Variants in SLC4A7 observed in about 807,000 individuals in gnomAD.
SLC4A7 encodes the protein sodium bicarbonate cotransporter 3.
SLC4A7 carries 51 observed loss-of-function variants against 137.6 expected under a neutral mutation model. That is an observed-to-expected ratio of 0.37 (90% confidence interval 0.30 to 0.47). The LOEUF (loss-of-function observed/expected upper bound fraction) is 0.47, where lower values mean the gene tolerates loss of function less well. Among genes scored for constraint, SLC4A7 ranks in the 20% least tolerant of loss-of-function variants. The pLI, the probability that SLC4A7 is intolerant of heterozygous loss-of-function variation, is 1.00. For synonymous variants in SLC4A7, 542 were observed against 518.6 expected, an observed-to-expected ratio of 1.05 and a Z score of -0.61; for missense variants, 1,247 against 1,525.4, an observed-to-expected ratio of 0.82 and a Z score of 3.04.
chr3:27,424,305 C>A (rs988303445), intron 7 of SLC4A7, 153 bp from the exon 8 acceptor site: 13 of 464,420 alleles, frequency 2.8e-5, no homozygotes, highest in African/African-American at 1.0e-4. Context: ...AACATACCAG[C>A]AAAACTAGAA....
intron 3 of SLC4A7, among the ~76,000 whole-genome samples, chr3:27,444,222 CTGT>C (rs2057424261): frequency 6.6e-6 from 1 of 152,172 alleles, no homozygotes; most frequent in Non-Finnish European, 1.5e-5. Context: ...TATTCTGCAC[CTGT>C]TGTTATATGC....
At chr3:27,423,556 C>T (rs903706135) in intron 8 of SLC4A7, 5 of 152,338 alleles carry the variant, frequency 3.3e-5, no homozygotes, top group Non-Finnish European at 4.4e-5. Context: ...TTAACCTACC[C>T]ATGGGGAAGC....
At position 27,400,840 on chromosome 3, in the gene SLC4A7, C is replaced by T; in HGVS notation, c.2351G>A (p.Ser784Asn). ...SCVCTEPPNP[S>N]NETLAQWKKD... ...CTTCCATTGTGCTAGAGTTTCATTG[C>T]TGGGGTTTGGAGGTTCAGTACATAC... Residue 784 changes from serine (S) to asparagine (N), a missense_variant, in exon 16 of 26, where the codon AGC becomes AAC. Transcript: ENST00000454389. 6.2e-7 allele frequency: 1 copy of T among 1,607,182 alleles called. No homozygotes were observed. The highest frequency in any genetic ancestry group is 8.5e-7 in the Non-Finnish European group (1 of 1,173,932).
intron 18 of SLC4A7, 74 bp from the exon 19 acceptor site, chr3:27,395,189 G>T (rs2052013159): frequency 2.8e-6 from 3 of 1,065,904 alleles, no homozygotes; most frequent in Non-Finnish European, 4.0e-6. Flanking sequence ...ACATAGACTT[G>T]ATCTGTTCCA....
At chr3:27,456,849 T>C in intron 1 of SLC4A7, 1 of 1,381,714 alleles carries the variant, frequency 7.2e-7, no homozygotes, top group South Asian at 1.8e-5. Context: ...AGTTACCTAA[T>C]CTTCCAAGCT....
intron 1 of SLC4A7, among the ~76,000 whole-genome samples, chr3:27,473,883 TAG>T (rs1310826033): frequency 6.6e-6 from 1 of 152,100 alleles, no homozygotes. Flanking sequence ...AAACAAAATT[TAG>T]AAGACTATCA....
chr3:27,413,723 A>G (rs2054122606), intron 11 of SLC4A7, among the ~76,000 whole-genome samples: 1 of 152,222 alleles, frequency 6.6e-6, no homozygotes, highest in African/African-American at 2.4e-5. Context: ...GATGAAATGT[A>G]TATTTTGGCT....
At chr3:27,456,800 C>T in intron 1 of SLC4A7, 6 of 1,482,646 alleles carry the variant, frequency 4.0e-6, no homozygotes, top group Non-Finnish European at 5.3e-6. Flanking sequence ...ATGAATTCTT[C>T]TAAGTTACTT....
At chr3:27,390,672 C>A (rs1185971901) in intron 21 of SLC4A7, among the ~76,000 whole-genome samples, 1 of 152,074 alleles carries the variant, frequency 6.6e-6, no homozygotes, top group Non-Finnish European at 1.5e-5. Context: ...ATTTCTTGAC[C>A]AGTGAAGAGT....
Position 27,376,673 on chromosome 3 carries a change from G to T in SLC4A7, c.*91C>A. 2 of 785,264 alleles carry T rather than the reference G, an allele frequency of 2.5e-6. No individual in the cohort carries two copies. The highest frequency in any genetic ancestry group is 2.1e-6 in the Non-Finnish European group (1 of 475,368). 48.6% of individuals were successfully genotyped at this position (785,264 alleles called of 1,614,324 possible). A position where few individuals can be genotyped will look rare whatever the true frequency, so the allele number is the denominator to read the frequency against. On this transcript the variant is annotated 3_prime_UTR_variant, in exon 26 of 26. Transcript: ENST00000454389. ...AAAACCCGGTAGTCACACATAAACA[G>T]CATGACATACAATATTCTTATATAT...
At chr3:27,385,237 T>A (rs975690072) in intron 23 of SLC4A7, among the ~76,000 whole-genome samples, 1 of 152,190 alleles carries the variant, frequency 6.6e-6, no homozygotes, top group Non-Finnish European at 1.5e-5. Flanking sequence ...CAATGCTATA[T>A]ACTCAAGTCT....
In SLC4A7 at chr3:27,390,036, A is replaced by G. The variant is rs1482366663; in HGVS notation, c.3255T>C (p.Tyr1085=). The part of the protein sequence containing the change: ...KHQPDLIYLR[Y]VPLWKVHIFT... The stretch of plus-strand genomic sequence containing the variant: ...AAATATGGACCTTCCAGAGCGGCAC[A>G]TAACGGAGGTATATCAAATCAGGCT... The change falls in exon 22 of 26, where the codon TAT becomes TAC. Residue 1085 remains tyrosine, a synonymous_variant. Transcript: ENST00000454389. 10 of 1,612,882 alleles carry G rather than the reference A, an allele frequency of 6.2e-6. No homozygotes were observed. The highest frequency in any genetic ancestry group is 2.2e-5 in the East Asian group (1 of 44,870).
intron 1 of SLC4A7, among the ~76,000 whole-genome samples, chr3:27,479,995 T>C (rs989752177): frequency 1.3e-5 from 2 of 152,204 alleles, no homozygotes; most frequent in Non-Finnish European, 2.9e-5. Context: ...CATTACAGGA[T>C]GTTGACAATT....
intron 14 of SLC4A7, 28 bp downstream of exon 14, chr3:27,404,802 G>A: frequency 2.0e-6 from 3 of 1,514,042 alleles, no homozygotes; most frequent in Non-Finnish European, 2.7e-6. Context: ...TATAACACAT[G>A]TGATAAGTAG....
chr3:27,410,100 T>C (rs1239329055), intron 12 of SLC4A7, among the ~76,000 whole-genome samples: 2 of 152,224 alleles, frequency 1.3e-5, no homozygotes, highest in Non-Finnish European at 2.9e-5. Context: ...ATATTTAATT[T>C]ACTGTGTATG....
At chr3:27,456,675 T>A in intron 1 of SLC4A7, 1 of 1,609,950 alleles carries the variant, frequency 6.2e-7, no homozygotes, top group South Asian at 1.1e-5. Context: ...CCAGACGAAA[T>A]CTTTCCATAG....
chr3:27,456,511 G>C (rs2058418799), intron 1 of SLC4A7: 2 of 637,140 alleles, frequency 3.1e-6, no homozygotes, highest in Non-Finnish European at 5.5e-6. Context: ...TTCAACAGAT[G>C]ACTTCCACAG....
intron 11 of SLC4A7, among the ~76,000 whole-genome samples, chr3:27,417,575 G>C (rs532760534): frequency 2.6e-5 from 4 of 152,094 alleles, no homozygotes; most frequent in Non-Finnish European, 5.9e-5. Context: ...ACAACAAAGT[G>C]AGACAGCATA....
At chr3:27,456,434 A>G (rs943263564) in intron 1 of SLC4A7, among the ~76,000 whole-genome samples, 5 of 152,210 alleles carry the variant, frequency 3.3e-5, no homozygotes, top group Admixed American at 6.6e-5. Context: ...TTAACTATCC[A>G]AAGAGTTAGT....
Sources: gnomAD v4.1 joint callset for allele counts (sites outside exome capture counted in the v4.1 genomes callset) on GRCh38, gnomAD v4.1.1 for gene constraint, MANE v1.5 for transcripts, NCBI Gene and HGNC (gene_info 2026-07-23, HGNC 2026-07-21) for gene names.